AKT3: variants seen among roughly 807,000 people sequenced by gnomAD.
AKT3 encodes AKT serine/threonine kinase 3, also known as RAC-gamma serine/threonine-protein kinase.
A neutral mutation model predicts 65.3 loss-of-function variants in AKT3; 15 were observed. That is an observed-to-expected ratio of 0.23 (90% CI 0.15 to 0.35). The LOEUF is 0.35. Ranked by LOEUF, AKT3 falls within the 10% of genes least tolerant of loss-of-function variation. The pLI is 1.00. For synonymous variants in AKT3, 206 were observed against 183.8 expected, an observed-to-expected ratio of 1.12 and a Z score of -0.98; for missense variants, 243 against 576.5, an observed-to-expected ratio of 0.42 and a Z score of 5.92.
chr1:243,771,238 C>T (rs981496637), intron 2 of AKT3, among the ~76,000 whole-genome samples: 1 of 152,140 alleles, frequency 6.6e-6, no homozygotes, highest in Non-Finnish European at 1.5e-5. Flanking sequence ...ATTGCTCCCA[C>T]TCTTCCTACT....
chr1:243,532,847 G>C (rs781185550), intron 12 of AKT3, among the ~76,000 whole-genome samples: 4 of 152,108 alleles, frequency 2.6e-5, no homozygotes, highest in Non-Finnish European at 4.4e-5. Flanking sequence ...GGTCTATTTG[G>C]ATTTTCAATT....
intron 12 of AKT3, among the ~76,000 whole-genome samples, chr1:243,532,939 C>T (rs1470706547): frequency 6.6e-6 from 1 of 152,198 alleles, no homozygotes; most frequent in East Asian, 1.9e-4. Context: ...GTGGCATACA[C>T]TTCTTCAGAG....
At chr1:243,548,843 T>A (rs1487633723) in intron 11 of AKT3, among the ~76,000 whole-genome samples, 1 of 152,192 alleles carries the variant, frequency 6.6e-6, no homozygotes. Flanking sequence ...AAATGATAGT[T>A]GACCCTTGGA....
intron 5 of AKT3, among the ~76,000 whole-genome samples, chr1:243,641,872 G>A (rs1680419022): frequency 6.6e-6 from 1 of 152,116 alleles, no homozygotes; most frequent in Non-Finnish European, 1.5e-5. Flanking sequence ...TGAAGTTAAG[G>A]CTGCAGTGAG....
intron 2 of AKT3, among the ~76,000 whole-genome samples, chr1:243,827,488 A>C (rs960110038): frequency 5.3e-5 from 8 of 152,074 alleles, no homozygotes; most frequent in Non-Finnish European, 1.2e-4. Context: ...ACTGGTTTGT[A>C]TTCCACATTA....
chr1:243,499,796 A>C lies in AKT3; in HGVS notation c.*5453T>G, dbSNP rs574680728. The C allele has an allele frequency of 2.1e-4, 345 of 1,611,788 alleles. No homozygotes were observed. The African/African-American group carries it at 3.6e-3, about 17-fold the overall frequency. On this transcript the variant is annotated 3_prime_UTR_variant, in exon 14 of 14. Transcript: ENST00000673466. The stretch of plus-strand genomic sequence containing the variant: ...CAATCTGATTGCTGACCTGGATGGA[A>C]CAGAGTGAAATAAATGATTTACAAA...
At chr1:243,565,279 T>C (rs1574617651) in intron 9 of AKT3, among the ~76,000 whole-genome samples, 1 of 152,236 alleles carries the variant, frequency 6.6e-6, no homozygotes, top group Admixed American at 6.5e-5. Flanking sequence ...CCACCCAAAC[T>C]GGAGTGCAGT....
At chr1:243,823,884 C>T (rs760282719) in intron 2 of AKT3, among the ~76,000 whole-genome samples, 1 of 152,120 alleles carries the variant, frequency 6.6e-6, no homozygotes, top group Non-Finnish European at 1.5e-5. Context: ...CATTGACTTT[C>T]CTCACATAAT....
At chr1:243,589,832 T>G (rs1468324742) in intron 8 of AKT3, among the ~76,000 whole-genome samples, 1 of 152,190 alleles carries the variant, frequency 6.6e-6, no homozygotes. Context: ...ATAGATTTCT[T>G]GGATATGAAG....
chr1:243,576,995 A>T (rs1470429470), intron 8 of AKT3, among the ~76,000 whole-genome samples: 1 of 152,246 alleles, frequency 6.6e-6, no homozygotes, highest in Admixed American at 6.5e-5. Flanking sequence ...GGCTATAGTA[A>T]CCAAAACAGC....
At chr1:243,746,545 T>C (rs1334819118) in intron 2 of AKT3, among the ~76,000 whole-genome samples, 1 of 152,226 alleles carries the variant, frequency 6.6e-6, no homozygotes, top group Non-Finnish European at 1.5e-5. Context: ...CCCCTCACTT[T>C]ATCAATAAAG....
In AKT3 at chr1:243,563,852, T is replaced by A. The variant is rs1558617993; in HGVS notation, c.820-4A>T. 1 of 1,600,100 alleles carries A rather than the reference T, an allele frequency of 6.2e-7. No individual in the cohort carries two copies. Among genetic ancestry groups the A allele is most frequent in the Non-Finnish European group, 8.5e-7 (1 of 1,176,076 alleles). ...TGTCCAGCATTAGATTCTCCAACTG[T>A]GTATTAAGAAAAATGACATAATTTG... On this transcript the variant is annotated splice_region_variant and splice_polypyrimidine_tract_variant and intron_variant, in intron 9 of 13. Coordinates refer to ENST00000673466, the MANE Select transcript of AKT3 (RefSeq NM_005465.7).
At chr1:243,670,919 GA>G (rs1683113759) in intron 3 of AKT3, among the ~76,000 whole-genome samples, 1 of 151,730 alleles carries the variant, frequency 6.6e-6, no homozygotes, top group Non-Finnish European at 1.5e-5. Context: ...GTCAGACCAA[GA>G]AATACATACA....
intron 6 of AKT3, among the ~76,000 whole-genome samples, chr1:243,618,831 T>C (rs1272363904): frequency 1.3e-5 from 2 of 152,122 alleles, no homozygotes; most frequent in Non-Finnish European, 1.5e-5. Context: ...ACCCTCTCGA[T>C]GTTTTGTGGT....
chr1:243,582,447 C>CAAAAAAAAAAAAAAAA (rs59718769), intron 8 of AKT3, among the ~76,000 whole-genome samples: 1 of 101,524 alleles, frequency 9.8e-6, no homozygotes, highest in African/African-American at 3.4e-5. Context: ...TTAGCTTTCT[C>CAAAAAAAAAAAAAAAA]AAAAAAAAAA....
chr1:243,694,071 T>C (rs1336069732), intron 3 of AKT3, among the ~76,000 whole-genome samples: 1 of 152,152 alleles, frequency 6.6e-6, no homozygotes, highest in Non-Finnish European at 1.5e-5. Flanking sequence ...AGTATGTCTT[T>C]AAAACTCGTT....
In AKT3 at chr1:243,500,304, A is replaced by AATC. The variant is rs1020674617; in HGVS notation, c.*4942_*4944dup. Reference sequence around the variant, plus strand: ...TTATTTATCGTCCTACTTTGTGCACAATCAATCAATCAGGAGACACCAGGA... The same window carrying AATC: ...TTATTTATCGTCCTACTTTGTGCACAATCATCAATCAATCAGGAGACACCAGGA... On this transcript the variant is annotated 3_prime_UTR_variant, in exon 14 of 14. Coordinates refer to ENST00000673466, the MANE Select transcript of AKT3 (RefSeq NM_005465.7). 9.4e-5 allele frequency: 10 copies of AATC among 106,102 alleles called. No homozygotes were observed. The highest frequency in any genetic ancestry group is 4.9e-4 in the African/African-American group (3 of 6,130). The allele number at this position is 106,102 out of a possible 1,614,324, so 6.6% of individuals were successfully genotyped here.
intron 2 of AKT3, among the ~76,000 whole-genome samples, chr1:243,813,827 G>C (rs1402392301): frequency 2.0e-5 from 3 of 152,200 alleles, no homozygotes; most frequent in African/African-American, 7.2e-5. Context: ...TATATGGACT[G>C]GGCACAGTGA....
At chr1:243,800,771 G>A (rs1001956339) in intron 2 of AKT3, among the ~76,000 whole-genome samples, 2 of 151,488 alleles carry the variant, frequency 1.3e-5, no homozygotes, top group African/African-American at 4.9e-5. Context: ...AGCGACAAGA[G>A]TAAACCAGAA....
Sources: gnomAD v4.1 joint callset for allele counts (sites outside exome capture counted in the v4.1 genomes callset) on GRCh38, gnomAD v4.1.1 for gene constraint, MANE v1.5 for transcripts, NCBI Gene and HGNC (gene_info 2026-07-23, HGNC 2026-07-21) for gene names.